The following KIF19 variants were observed in gnomAD, a reference collection of about 807,000 sequenced individuals.
KIF19 encodes kinesin family member 19, also known as kinesin-like protein KIF19.
Under a neutral mutation model 106.6 loss-of-function variants are expected in KIF19, and 98 were observed. The ratio of observed to expected loss-of-function variants is 0.92; its 90% CI spans 0.78 to 1.09. The LOEUF is 1.09. Ranked by LOEUF, KIF19 falls within the 50% of genes least tolerant of loss-of-function variation. The pLI is 0.00. For missense variants in KIF19, 1,373 were observed against 1,414.3 expected (o/e 0.97, Z 0.47); for synonymous variants, 516 against 584.2 (o/e 0.88, Z 1.68).
chr17:74,350,166 C>T (rs572877372), intron 10 of KIF19, among the ~76,000 whole-genome samples: 1 of 152,120 alleles, frequency 6.6e-6, no homozygotes, highest in Non-Finnish European at 1.5e-5. Context: ...TTAGCAGGAG[C>T]CCAGTTCATA....
intron 2 of KIF19, among the ~76,000 whole-genome samples, chr17:74,340,555 G>GCGCGCGCACACACA: frequency 6.7e-6 from 1 of 148,304 alleles, no homozygotes; most frequent in Non-Finnish European, 1.5e-5. Context: ...ATGCGCGCGC[G>GCGCGCGCACACACA]TACACACACA....
chr17:74,332,214 G>GTGTGTGTT (rs1567897690), intron 2 of KIF19, among the ~76,000 whole-genome samples: 25 of 54,540 alleles, frequency 4.6e-4, no homozygotes, highest in African/African-American at 8.3e-4. Context: ...GTGTGTTTGT[G>GTGTGTGTT]TGTGTGTGTG....
chr17:74,350,499 A>G lies in KIF19; in HGVS notation c.1312A>G (p.Arg438Gly). The change falls in exon 11 of 20, where the codon AGG becomes GGG. Residue 438 changes from arginine to glycine, a missense_variant. This residue lies in a region of KIF19 where 1,020 missense variants were observed against 1,008.2 expected (regional missense o/e 1.01). Coordinates refer to ENST00000389916, the MANE Select transcript of KIF19 (RefSeq NM_153209.4). Reference protein sequence around the residue: ...SAFQEQMDVRRRLLELENRAM... With the variant: ...SAFQEQMDVRGRLLELENRAM... ...CTTCCAGGAGCAGATGGATGTGCGG[A>G]GGCGCCTGCTGGAGCTGGAGAACCG... 1.2e-6 allele frequency: 2 copies of G among 1,612,516 alleles called. No homozygotes were observed. Among genetic ancestry groups the G allele is most frequent in the Non-Finnish European group, 1.7e-6 (2 of 1,179,744 alleles).
At chr17:74,327,437 G>A (rs955338679) in intron 1 of KIF19, among the ~76,000 whole-genome samples, 2 of 152,212 alleles carry the variant, frequency 1.3e-5, no homozygotes, top group Non-Finnish European at 2.9e-5. Flanking sequence ...AAGGTGACCC[G>A]TCAGGTAGTG....
chr17:74,344,213 G>C lies in KIF19; in HGVS notation c.457-10G>C. The C allele has an allele frequency of 6.2e-7, 1 of 1,607,670 alleles. No homozygotes were observed. The highest frequency in any genetic ancestry group is 8.5e-7 in the Non-Finnish European group (1 of 1,177,296). On this transcript the variant is annotated splice_polypyrimidine_tract_variant and intron_variant, in intron 5 of 19. Coordinates refer to ENST00000389916, the MANE Select transcript of KIF19 (RefSeq NM_153209.4). Reference sequence around the variant, plus strand: ...CCCTTCCCCCACCCCTCCCCCACCTGTCCCGTCAGATCTACAATGAGATGA... The same window carrying C: ...CCCTTCCCCCACCCCTCCCCCACCTCTCCCGTCAGATCTACAATGAGATGA...
chr17:74,331,991 C>T lies in KIF19; in HGVS notation c.120+3486C>T, dbSNP rs567029647. ...TTCTTTAGAGGGTCCCTGTGGCTAA[C>T]GGAGGCACAGTGCATAACACAGTGC... On this transcript the variant is annotated intron_variant, in intron 2 of 19. Coordinates refer to ENST00000389916, the MANE Select transcript of KIF19 (RefSeq NM_153209.4). The surrounding 1 kb of genome is among the most constrained non-coding windows in gnomAD (Gnocchi z 4.1). Among the ~76,000 whole-genome samples the T allele has an allele frequency of 2.8e-4, 42 of 152,186 alleles. No individual in the cohort carries two copies. Among genetic ancestry groups the T allele is most frequent in the African/African-American group, 8.7e-4 (36 of 41,508 alleles).
At chr17:74,332,589 C>A (rs919977478) in intron 2 of KIF19, among the ~76,000 whole-genome samples, 4 of 152,192 alleles carry the variant, frequency 2.6e-5, no homozygotes, top group African/African-American at 9.7e-5. Flanking sequence ...CTGCCACCCC[C>A]CTCTGCTCCC....
In KIF19 at chr17:74,355,360, G is replaced by C. The variant is rs767486563; in HGVS notation, c.*48G>C. ...CTCTCACCTCCCAAGACTGAATGGG[G>C]TCTAGCAGGGCATGGGAGGTGGAGG... On this transcript the variant is annotated 3_prime_UTR_variant, in exon 20 of 20. Transcript: ENST00000389916. The C allele has an allele frequency of 5.2e-6, 8 of 1,530,136 alleles. No homozygotes were observed. Among genetic ancestry groups the C allele is most frequent in the Non-Finnish European group, 7.0e-6 (8 of 1,138,754 alleles). The allele number at this position is 1,530,136 out of a possible 1,614,324, so 94.8% of individuals were successfully genotyped here. A position where few individuals can be genotyped will look rare whatever the true frequency, so the allele number is the denominator to read the frequency against.
intron 2 of KIF19, among the ~76,000 whole-genome samples, chr17:74,332,666 G>A (rs1374379523): frequency 6.6e-6 from 1 of 152,234 alleles, no homozygotes; most frequent in Non-Finnish European, 1.5e-5. Context: ...CAGGAGGGCT[G>A]GGTGAGGGTG....
intron 2 of KIF19, 55 bp from the exon 3 acceptor site, chr17:74,341,821 C>A (rs1234268323): frequency 8.1e-7 from 1 of 1,229,968 alleles, no homozygotes; most frequent in Non-Finnish European, 1.2e-6. Context: ...GGGTTGACCT[C>A]ATCAGGGCCC....
At position 74,344,980 on chromosome 17, in the gene KIF19, A is replaced by C. The variant is rs1214333006; in HGVS notation, c.777+25A>C. 5.1e-6 allele frequency: 8 copies of C among 1,573,226 alleles called. No homozygotes were observed. The Admixed American group carries it at 1.4e-4, about 28-fold the overall frequency. On this transcript the variant is annotated intron_variant, in intron 7 of 19. Transcript: ENST00000389916. The stretch of plus-strand genomic sequence containing the variant: ...GGTGAGGCTGGGACCTGGGCTGGGC[A>C]GAGGAGGGAGGGTTGACCCAGGCAA...
rs1354277165 is a variant in KIF19 at position 74,344,284 on chromosome 17, AG to A, written c.520del (p.Asp174ThrfsTer5). 28 of 1,612,554 alleles carry A rather than the reference AG, an allele frequency of 1.7e-5. No homozygotes were observed. In the Admixed American group the frequency reaches 2.0e-4, roughly 12 times the overall value. On this transcript the variant is annotated frameshift_variant, in exon 6 of 20. Coordinates refer to ENST00000389916, the MANE Select transcript of KIF19 (RefSeq NM_153209.4). LOFTEE classifies it high-confidence loss of function. ...NPSLGYLELR[E>X]DSKGVIQVAG... The stretch of plus-strand genomic sequence containing the variant: ...TCCCTGGGCTACCTGGAGCTGCGGG[AG>A]GACTCTAAGGGGGTGATCCAGGTGG...
At chr17:74,337,925 GA>G (rs1236842554) in intron 2 of KIF19, among the ~76,000 whole-genome samples, 6 of 152,250 alleles carry the variant, frequency 3.9e-5, no homozygotes, top group Non-Finnish European at 8.8e-5. Context: ...TGATGCTCTC[GA>G]GGGTGGGGCG....
rs565074437 is a variant in KIF19 at position 74,350,570 on chromosome 17, C to G, written c.1383C>G (p.Ile461Met). The G allele has an allele frequency of 6.2e-7, 1 of 1,612,640 alleles. No individual in the cohort carries two copies. Among genetic ancestry groups the G allele is most frequent in the African/African-American group, 1.3e-5 (1 of 74,932 alleles). The change falls in exon 11 of 20, where the codon ATC becomes ATG. Residue 461 changes from isoleucine (I) to methionine (M), a missense_variant. By Grantham distance (10) the Ile-to-Met change is conservative. Transcript: ENST00000389916. ...QIDTSRHLLT[I>M]AGWKHEKSRR... is the part of the protein sequence containing the mutation. Reference sequence around the variant, plus strand: ...ACACCTCCCGACACCTGCTCACCATCGCCGGGTAAGCCCCCCTCCCAGGAC... The same window carrying G: ...ACACCTCCCGACACCTGCTCACCATGGCCGGGTAAGCCCCCCTCCCAGGAC...
chr17:74,331,720 G>A lies in KIF19; in HGVS notation c.120+3215G>A, dbSNP rs1197135541. On this transcript the variant is annotated intron_variant, in intron 2 of 19. Transcript: ENST00000389916. The surrounding 1 kb of genome is among the most constrained non-coding windows in gnomAD (Gnocchi z 4.1). ...GCCTCCCATGTAGCTGGGATTACGG[G>A]CGCGCGCCACCGTGCCCAGCTAATT... Among the ~76,000 whole-genome samples the A allele has an allele frequency of 6.6e-6, 1 of 152,014 alleles. No homozygotes were observed. The highest frequency in any genetic ancestry group is 1.5e-5 in the Non-Finnish European group (1 of 68,016).
rs770815437 is a variant in KIF19, at chr17:74,354,481, G to C, written c.2628G>C (p.Leu876=). 1 of 1,608,224 alleles carries C rather than the reference G, an allele frequency of 6.2e-7. No individual in the cohort carries two copies. Among genetic ancestry groups the C allele is most frequent in the Admixed American group, 1.7e-5 (1 of 59,186 alleles). ...RPWLRGQKKS[L]GKKREESLEA... is the part of the protein sequence containing the mutation. ...GGCTGCGTGGCCAGAAGAAAAGCCT[G>C]GGCAAGAAAAGGGAGGAGTCGCTGG... Residue 876 remains leucine (L), a synonymous_variant, in exon 18 of 20, where the codon CTG becomes CTC. Transcript: ENST00000389916.
chr17:74,354,984 C>A, intron 19 of KIF19, 43 bp downstream of exon 19: 2 of 1,566,680 alleles, frequency 1.3e-6, no homozygotes, highest in Non-Finnish European at 1.7e-6. Context: ...AGGCCTCCAC[C>A]AGGCAGGGGA....
intron 2 of KIF19, 32 bp downstream of exon 2, chr17:74,328,537 G>A (rs2053980798): frequency 6.4e-7 from 1 of 1,560,918 alleles, no homozygotes; most frequent in Non-Finnish European, 8.7e-7. Context: ...GAGCTGCAGG[G>A]CAGAGGTCTG....
intron 5 of KIF19, 30 bp from the exon 6 acceptor site, chr17:74,344,193 C>T: frequency 6.3e-7 from 1 of 1,589,602 alleles, no homozygotes; most frequent in Non-Finnish European, 8.6e-7. Context: ...AGTCTCCCTT[C>T]CCCCACCCCT....
Sources: allele counts gnomAD v4.1 joint callset (sites outside exome capture counted in the v4.1 genomes callset), GRCh38; gene constraint gnomAD v4.1.1; regional missense constraint gnomAD v4.1.1; non-coding constraint Gnocchi (gnomAD v3.1); transcripts MANE v1.5; gene names NCBI Gene and HGNC (gene_info 2026-07-23, HGNC 2026-07-21).